The following DNAH5 variants were observed in gnomAD, a reference collection of about 807,000 sequenced individuals.
DNAH5 encodes the protein dynein axonemal heavy chain 5, also known as axonemal beta dynein heavy chain 5.
A neutral mutation model predicts 518.2 loss-of-function variants in DNAH5; 372 were observed. That is an observed-to-expected ratio of 0.72 (90% confidence interval 0.66 to 0.78). The LOEUF is 0.78. DNAH5 is among the 30% of genes least tolerant of loss of function. The probability of loss-of-function intolerance (pLI) is 0.00; values close to 1 mark genes in which losing one functional copy is unlikely to be tolerated. For missense variants in DNAH5, 5,523 were observed against 5,687.0 expected (o/e 0.97, Z 0.93); for synonymous variants, 2,039 against 2,025.9 (o/e 1.01, Z -0.17).
At chr5:13,986,839 T>G (rs1337075541) in intron 1 of DNAH5, among the ~76,000 whole-genome samples, 9 of 152,210 alleles carry the variant, frequency 5.9e-5, no homozygotes, top group Non-Finnish European at 1.2e-4. Flanking sequence ...TAATCGATAT[T>G]TACTTCGTTC....
intron 58 of DNAH5, among the ~76,000 whole-genome samples, chr5:13,768,218 G>A (rs1752770159): frequency 6.6e-6 from 1 of 152,106 alleles, no homozygotes; most frequent in Non-Finnish European, 1.5e-5. Context: ...ATTGGATCAT[G>A]GGGACAGTTT....
At chr5:13,752,354 T>C (rs1750361474) in intron 63 of DNAH5, 65 bp from the exon 64 acceptor site, 3 of 1,550,540 alleles carry the variant, frequency 1.9e-6, no homozygotes, top group Non-Finnish European at 2.7e-6. Flanking sequence ...CAGGGATAAC[T>C]GTTTTCAAAT....
intron 1 of DNAH5, among the ~76,000 whole-genome samples, chr5:13,950,664 T>C (rs773202441): frequency 3.9e-5 from 6 of 152,334 alleles, no homozygotes; most frequent in African/African-American, 1.4e-4. Flanking sequence ...AATGAAGACA[T>C]GTAAATTCAA....
intron 76 of DNAH5, among the ~76,000 whole-genome samples, chr5:13,702,699 C>G (rs1742273160): frequency 6.6e-6 from 1 of 152,094 alleles, no homozygotes; most frequent in Admixed American, 6.5e-5. Flanking sequence ...CTGGTCAAAG[C>G]TGATTCTGAG....
At position 13,727,424 on chromosome 5, in the gene DNAH5, C is replaced by T. The variant is rs528382958; in HGVS notation, c.12033+83G>A. 3.2e-5 allele frequency: 43 copies of T among 1,327,682 alleles called. No individual in the cohort carries two copies. In the African/African-American group the frequency reaches 4.2e-4, roughly 13 times the overall value. 82.2% of individuals were successfully genotyped at this position (1,327,682 alleles called of 1,614,324 possible). On this transcript the variant is annotated intron_variant, in intron 70 of 78. Coordinates refer to ENST00000265104, the MANE Select transcript of DNAH5 (RefSeq NM_001369.3). ...ACAAGAAAATTCTCACTGGAATTCA[C>T]ATTTAAAATATTTTTTTTAATTTAA...
At chr5:13,703,819 G>C (rs1404147644) in intron 76 of DNAH5, among the ~76,000 whole-genome samples, 1 of 152,202 alleles carries the variant, frequency 6.6e-6, no homozygotes. Context: ...CTGCTCATCA[G>C]ATGTCCCATG....
At chr5:13,737,732 C>T (rs541343592) in intron 65 of DNAH5, among the ~76,000 whole-genome samples, 28 of 151,928 alleles carry the variant, frequency 1.8e-4, no homozygotes, top group African/African-American at 6.5e-4. Flanking sequence ...CGAGACTAGC[C>T]TGGTCAACAT....
At chr5:13,861,385 T>C (rs548889561) in intron 29 of DNAH5, among the ~76,000 whole-genome samples, 23 of 152,340 alleles carry the variant, frequency 1.5e-4, no homozygotes, top group Admixed American at 2.6e-4. Flanking sequence ...TGAAATAGTA[T>C]GAAGTACACA....
In DNAH5 at chr5:13,721,243, G is replaced by A. The variant is rs1419830654; in HGVS notation, c.12036C>T (p.Ala4012=). 3.1e-6 allele frequency: 5 copies of A among 1,614,018 alleles called. No individual in the cohort carries two copies. The highest frequency in any genetic ancestry group is 3.4e-6 in the Non-Finnish European group (4 of 1,179,976). ...CCATGGAGTCCACGATGTACTTGCGGGCCTGCCAAAAACAGTATACAAGTC... is the reference window on the plus strand; with the variant it reads ...CCATGGAGTCCACGATGTACTTGCGAGCCTGCCAAAAACAGTATACAAGTC... The part of the protein sequence containing the change: ...SWCPDRTIAQ[A]RKYIVDSMGE... The change falls in exon 71 of 79, where the codon GCC becomes GCT. Residue 4012 remains alanine (A), a splice_region_variant and synonymous_variant. Coordinates refer to ENST00000265104, the MANE Select transcript of DNAH5 (RefSeq NM_001369.3).
intron 61 of DNAH5, among the ~76,000 whole-genome samples, chr5:13,757,979 G>A (rs1186985768): frequency 6.6e-6 from 1 of 151,908 alleles, no homozygotes; most frequent in Non-Finnish European, 1.5e-5. Context: ...GTAAAACAGA[G>A]TGAATCTAGC....
Position 13,865,654 on chromosome 5 carries a change from A to T in DNAH5, c.4355+14T>A. On this transcript the variant is annotated intron_variant, in intron 27 of 78. Coordinates refer to ENST00000265104, the MANE Select transcript of DNAH5 (RefSeq NM_001369.3). ...AGTTCAATTGCTGGGCATGCTAAAC[A>T]TTTAATTTCTTACCTGTTCTGGAAT... The T allele has an allele frequency of 6.7e-7, 1 of 1,482,138 alleles. No homozygotes were observed. Among genetic ancestry groups the T allele is most frequent in the South Asian group, 1.1e-5 (1 of 88,122 alleles). 91.8% of individuals were successfully genotyped at this position (1,482,138 alleles called of 1,614,324 possible).
chr5:13,920,933 G>A (rs1298775505), intron 5 of DNAH5, among the ~76,000 whole-genome samples: 2 of 151,644 alleles, frequency 1.3e-5, no homozygotes, highest in African/African-American at 2.4e-5. Flanking sequence ...AATATGAAGT[G>A]GACCCATATG....
rs894816994 is a variant in DNAH5, at chr5:13,813,758, G to A, written c.7230+847C>T. On this transcript the variant is annotated intron_variant, in intron 43 of 78. Coordinates refer to ENST00000265104, the MANE Select transcript of DNAH5 (RefSeq NM_001369.3). ...CTAAAGCCTTTTGCAACAGAGTTGA[G>A]TAAATTCTGGAAAGACATTAGTAAA... 2.0e-5 allele frequency among the ~76,000 whole-genome samples: 3 copies of A among 152,100 alleles called. No homozygotes were observed. The South Asian group carries it at 6.2e-4, about 31-fold the overall frequency.
chr5:13,721,112 G>C lies in DNAH5; in HGVS notation c.12167C>G (p.Thr4056Arg). 1 of 1,614,132 alleles carries C rather than the reference G, an allele frequency of 6.2e-7. No homozygotes were observed. The change falls in exon 71 of 79, where the codon ACA (threonine) becomes AGA (arginine). Residue 4056 changes from threonine to arginine, a missense_variant. By Grantham distance (71) the Thr-to-Arg change is moderately conservative (BLOSUM62 -1). This residue lies in a region of DNAH5 where 5,121 missense variants were observed against 5,223.3 expected (regional missense o/e 0.98). Coordinates refer to ENST00000265104, the MANE Select transcript of DNAH5 (RefSeq NM_001369.3). The stretch of plus-strand genomic sequence containing the variant: ...CTTCCCCAAGGCAATGATGGAATCT[G>C]TGGGGTCTGAGCCCATAGACAGGAG... Reference protein sequence around the residue: ...ICLLSMGSDPTDSIIALGKRL... With the variant: ...ICLLSMGSDPRDSIIALGKRL...
In DNAH5 at chr5:13,844,962, G is replaced by A. The variant is rs368644722; in HGVS notation, c.5146C>T (p.Arg1716Trp). Residue 1716 changes from arginine (R) to tryptophan (W), a missense_variant, in exon 32 of 79, where the codon CGG becomes TGG. This residue lies in a region of DNAH5 where 5,121 missense variants were observed against 5,223.3 expected (regional missense o/e 0.98). Transcript: ENST00000265104. Reference sequence around the variant, plus strand: ...GCAGGATCTGAGACGAAGAAAAACCGAGGAAAGCACAGTCGTTTTTTCTCC... The same window carrying A: ...GCAGGATCTGAGACGAAGAAAAACCAAGGAAAGCACAGTCGTTTTTTCTCC... ...YLEKKRLCFP[R>W]FFFVSDPALL... The A allele has an allele frequency of 6.8e-6, 11 of 1,613,958 alleles. No homozygotes were observed. The highest frequency in any genetic ancestry group is 2.2e-5 in the East Asian group (1 of 44,892).
intron 1 of DNAH5, among the ~76,000 whole-genome samples, chr5:13,949,712 C>T (rs1780227954): frequency 6.6e-6 from 1 of 152,124 alleles, no homozygotes; most frequent in Non-Finnish European, 1.5e-5. Context: ...TTGCATAGTG[C>T]CTTTCATGTA....
At chr5:13,885,914 T>C in intron 18 of DNAH5, 50 bp downstream of exon 18, 3 of 1,556,208 alleles carry the variant, frequency 1.9e-6, no homozygotes. Flanking sequence ...GTTTTAGTTT[T>C]TAGTAAATGT....
chr5:13,715,351 G>A (rs1338517242), intron 74 of DNAH5, among the ~76,000 whole-genome samples: 1 of 151,972 alleles, frequency 6.6e-6, no homozygotes, highest in African/African-American at 2.4e-5. Flanking sequence ...CTTCTTATGA[G>A]CTACCTCAAA....
At chr5:13,708,413 G>C in intron 75 of DNAH5, 78 bp from the exon 76 acceptor site, 1 of 1,319,202 alleles carries the variant, frequency 7.6e-7, no homozygotes, top group Non-Finnish European at 1.1e-6. Context: ...TGGGGCCTCT[G>C]AACAGGCCCA....
Sources: gnomAD v4.1 joint callset for allele counts (sites outside exome capture counted in the v4.1 genomes callset) on GRCh38, gnomAD v4.1.1 for gene constraint, gnomAD v4.1.1 regional missense constraint, MANE v1.5 for transcripts, NCBI Gene and HGNC (gene_info 2026-07-23, HGNC 2026-07-21) for gene names.